SETX: variants seen among roughly 807,000 people sequenced by gnomAD.
SETX encodes the protein helicase senataxin.
SETX carries 90 observed loss-of-function variants against 227.2 expected under a neutral mutation model. The ratio of observed to expected loss-of-function variants is 0.40; its 90% CI spans 0.33 to 0.47. SETX has a LOEUF of 0.47. Ranked by LOEUF, SETX falls within the 20% of genes least tolerant of loss-of-function variation. The pLI is 0.91. For synonymous variants in SETX, 1,210 were observed against 1,113.2 expected, an observed-to-expected ratio of 1.09 and a Z score of -1.73; for missense variants, 3,052 against 3,181.5, an observed-to-expected ratio of 0.96 and a Z score of 0.98.
chr9:132,323,504 T>C (rs1375157153), intron 10 of SETX, among the ~76,000 whole-genome samples: 1 of 151,922 alleles, frequency 6.6e-6, no homozygotes, highest in African/African-American at 2.4e-5. Flanking sequence ...AGGAAGAGTG[T>C]GTGCAAGGGT....
rs180836603 is a variant in SETX at position 132,347,045 on chromosome 9, G to A, written c.178-574C>T. ...TGAGGTGGGCGGATCACCTGAGGTC[G>A]GGAGTTCAGAACCACCCTGACCAAC... On this transcript the variant is annotated intron_variant, in intron 3 of 25. Transcript: ENST00000224140. 2.8e-3 allele frequency among the ~76,000 whole-genome samples: 418 copies of A among 151,926 alleles called. 2 individuals carry two copies. Among genetic ancestry groups the A allele is most frequent in the African/African-American group, 7.0e-3 (290 of 41,430 alleles).
chr9:132,286,142 C>T (rs1318581065), intron 18 of SETX, among the ~76,000 whole-genome samples: 3 of 146,266 alleles, frequency 2.1e-5, no homozygotes, highest in African/African-American at 5.1e-5. Context: ...AAGATCACGC[C>T]ACTATACTCC....
chr9:132,323,261 C>G (rs1846483126), intron 10 of SETX, among the ~76,000 whole-genome samples: 1 of 152,074 alleles, frequency 6.6e-6, no homozygotes, highest in South Asian at 2.1e-4. Context: ...CGTACCTGAT[C>G]ATGAGCGATT....
chr9:132,356,589 CAATT>C (rs1171416647), upstream of SETX, among the ~76,000 whole-genome samples: 9 of 152,090 alleles, frequency 5.9e-5, no homozygotes, highest in African/African-American at 1.9e-4. Flanking sequence ...GGAAATTAAA[CAATT>C]AGTAGTGGTG....
intron 11 of SETX, among the ~76,000 whole-genome samples, chr9:132,308,267 A>G (rs1424858859): frequency 6.6e-6 from 1 of 152,238 alleles, no homozygotes; most frequent in East Asian, 1.9e-4. Flanking sequence ...TGCCAAAAAC[A>G]AGTAACAAAA....
chr9:132,282,448 C>G (rs1165920743), intron 19 of SETX, among the ~76,000 whole-genome samples: 1 of 151,938 alleles, frequency 6.6e-6, no homozygotes, highest in Admixed American at 6.6e-5. Context: ...ACCATCAACT[C>G]CTGGCTCATT....
rs1338496764 is a variant in SETX at position 132,329,368 on chromosome 9, T to A, written c.2230A>T (p.Thr744Ser). Reference protein sequence around the residue: ...RGCDRGIIVSTRLLTDSSTDA... With the variant: ...RGCDRGIIVSSRLLTDSSTDA... ...GTGCTAGAATCAGTCAACAAACGTG[T>A]TGATACTATTATTCCTCTGTCACAT... is the stretch of plus-strand genomic sequence containing the variant. The change falls in exon 10 of 26, where the codon ACA (threonine) becomes TCA (serine). Residue 744 changes from threonine (T) to serine (S), a missense_variant. Physicochemically the swap from Thr to Ser is moderately conservative, Grantham distance 58 (BLOSUM62 1). This residue lies in a region of SETX where 1,483 missense variants were observed against 1,312.0 expected (regional missense o/e 1.13). Coordinates refer to ENST00000224140, the MANE Select transcript of SETX (RefSeq NM_015046.7). 8 of 1,614,020 alleles carry A rather than the reference T, an allele frequency of 5.0e-6. No individual in the cohort carries two copies. The highest frequency in any genetic ancestry group is 6.8e-6 in the Non-Finnish European group (8 of 1,179,980).
At position 132,311,742 on chromosome 9, in the gene SETX, T is replaced by A; in HGVS notation, c.5374+15A>T. ...ATTATATCATATATTCCAAGTTGCG[T>A]AAGAAAAAACTTACCTGCAAACTCC... On this transcript the variant is annotated intron_variant, in intron 11 of 25. Transcript: ENST00000224140. 1 of 1,562,116 alleles carries A rather than the reference T, an allele frequency of 6.4e-7. No homozygotes were observed. Among genetic ancestry groups the A allele is most frequent in the East Asian group, 2.2e-5 (1 of 44,576 alleles).
At position 132,315,134 on chromosome 9, in the gene SETX, A is replaced by G. The variant is rs890127628; in HGVS notation, c.5275-3278T>C. On this transcript the variant is annotated intron_variant, in intron 10 of 25. Transcript: ENST00000224140. ...CACCAAAGTTGGCCAGGCTGGTCTC[A>G]AACTCCTGACCTCAAGTGATGATCC... is the stretch of plus-strand genomic sequence containing the variant. Among the ~76,000 whole-genome samples, 3 of 152,066 alleles carry G rather than the reference A, an allele frequency of 2.0e-5. No individual in the cohort carries two copies. In the South Asian group the frequency reaches 6.2e-4, roughly 32 times the overall value.
intron 12 of SETX, among the ~76,000 whole-genome samples, chr9:132,299,270 A>G (rs1488255911): frequency 1.3e-5 from 2 of 152,220 alleles, no homozygotes; most frequent in African/African-American, 4.8e-5. Context: ...GCAGAAAATC[A>G]AGTGTTAACT....
At chr9:132,313,398 T>C (rs1015304595) in intron 10 of SETX, among the ~76,000 whole-genome samples, 4 of 152,136 alleles carry the variant, frequency 2.6e-5, no homozygotes, top group African/African-American at 7.2e-5. Context: ...TAGTTTGAAA[T>C]TATTTGGGCC....
Position 132,336,944 on chromosome 9 carries a change from T to C in SETX, c.499-429A>G, listed in dbSNP as rs564531192. ...AGCTGGACTTGGTGGTGCACTCCTG[T>C]AGTCCCAGCTACTTGGGAGGCTGAG... On this transcript the variant is annotated intron_variant, in intron 5 of 25. Coordinates refer to ENST00000224140, the MANE Select transcript of SETX (RefSeq NM_015046.7). 3.3e-5 allele frequency among the ~76,000 whole-genome samples: 5 copies of C among 152,230 alleles called. No individual in the cohort carries two copies. The South Asian group carries it at 8.3e-4, about 25-fold the overall frequency.
chr9:132,313,837 A>G (rs1845809307), intron 10 of SETX, among the ~76,000 whole-genome samples: 1 of 151,608 alleles, frequency 6.6e-6, no homozygotes, highest in African/African-American at 2.4e-5. Flanking sequence ...TAAAAAAAAA[A>G]ACAATAAAAA....
At chr9:132,282,816 G>A (rs1183644817) in intron 19 of SETX, 1 of 169,406 alleles carries the variant, frequency 5.9e-6, no homozygotes, top group African/African-American at 2.4e-5. Context: ...TCAATTCTCT[G>A]GTATCTCCTG....
At chr9:132,282,021 A>T (rs1197847966) in intron 19 of SETX, among the ~76,000 whole-genome samples, 6 of 98,846 alleles carry the variant, frequency 6.1e-5, no homozygotes, top group South Asian at 3.0e-4. Context: ...TCCGTCTCTA[A>T]AAAAAAAAAA....
At chr9:132,284,311 G>A (rs759705060) in intron 18 of SETX, among the ~76,000 whole-genome samples, 2 of 152,162 alleles carry the variant, frequency 1.3e-5, no homozygotes, top group Non-Finnish European at 2.9e-5. Context: ...TTAATCTGGG[G>A]TTCTGTTTAA....
At chr9:132,350,047 G>C (rs1848521436) in intron 2 of SETX, among the ~76,000 whole-genome samples, 1 of 152,298 alleles carries the variant, frequency 6.6e-6, no homozygotes, top group Non-Finnish European at 1.5e-5. Context: ...AGAAAGGTTA[G>C]AAGGAGGTTA....
chr9:132,314,139 C>T (rs1589707291), intron 10 of SETX, among the ~76,000 whole-genome samples: 1 of 152,060 alleles, frequency 6.6e-6, no homozygotes, highest in Non-Finnish European at 1.5e-5. Flanking sequence ...GTTGCCCAGG[C>T]GGGAGTGCAA....
At chr9:132,341,869 C>T (rs483111) in intron 5 of SETX, among the ~76,000 whole-genome samples, 136,246 of 152,190 alleles carry the variant, frequency 0.9, 61,093 homozygotes, top group Non-Finnish European at 0.92. Flanking sequence ...TTTATTACTT[C>T]ATGTTTCTGT....
Sources: allele counts gnomAD v4.1 joint callset (sites outside exome capture counted in the v4.1 genomes callset), GRCh38; gene constraint gnomAD v4.1.1; regional missense constraint gnomAD v4.1.1; transcripts MANE v1.5; gene names NCBI Gene and HGNC (gene_info 2026-07-23, HGNC 2026-07-21).